TM9SF2: variants seen among roughly 807,000 people sequenced by gnomAD.
TM9SF2 encodes 76 kDa membrane protein.
Under a neutral mutation model 84.9 loss-of-function variants are expected in TM9SF2, and 13 were observed. The ratio of observed to expected loss-of-function variants is 0.15; its 90% CI spans 0.10 to 0.24. The LOEUF (loss-of-function observed/expected upper bound fraction) is 0.24. Ranked by LOEUF, TM9SF2 falls within the 10% of genes least tolerant of loss-of-function variation. The pLI is 1.00. For synonymous variants in TM9SF2, 273 were observed against 285.8 expected (o/e 0.96, Z 0.45); for missense variants, 562 against 818.5 (o/e 0.69, Z 3.82).
Position 99,529,572 on chromosome 13 carries a change from T to C in TM9SF2, c.439T>C (p.Leu147=). ...GTTAGAATTCTTGAAAAAAAGCATG[T>C]TATTGAATTATCAACATCACTGGTA... ...QKLEFLKKSM[L]LNYQHHWIVD... is the part of the protein sequence containing the mutation. The change falls in exon 4 of 17, where the codon TTA becomes CTA. Residue 147 remains leucine (L), a synonymous_variant. Transcript: ENST00000376387. 6.3e-7 allele frequency: 1 copy of C among 1,583,416 alleles called. No homozygotes were observed. Among genetic ancestry groups the C allele is most frequent in the Non-Finnish European group, 8.6e-7 (1 of 1,169,526 alleles).
At chr13:99,506,801 T>A (rs2046090625) in intron 1 of TM9SF2, among the ~76,000 whole-genome samples, 1 of 152,192 alleles carries the variant, frequency 6.6e-6, no homozygotes, top group Admixed American at 6.5e-5. Context: ...GATTGGTCTG[T>A]GCACTGTCAG....
intron 15 of TM9SF2, 28 bp downstream of exon 15, chr13:99,555,675 T>A: frequency 6.7e-7 from 1 of 1,501,380 alleles, no homozygotes; most frequent in Non-Finnish European, 9.2e-7. Flanking sequence ...TCACTTATGT[T>A]AATTTGTAGA....
chr13:99,553,146 T>C (rs1428199803), intron 13 of TM9SF2, among the ~76,000 whole-genome samples: 2 of 152,228 alleles, frequency 1.3e-5, no homozygotes, highest in African/African-American at 4.8e-5. Context: ...AAACGAGATC[T>C]TATTCTTCTG....
intron 4 of TM9SF2, among the ~76,000 whole-genome samples, chr13:99,532,626 T>C (rs1309117863): frequency 6.6e-6 from 1 of 152,114 alleles, no homozygotes; most frequent in East Asian, 1.9e-4. Context: ...AGAATACTGT[T>C]TAGTCTTGCT....
intron 1 of TM9SF2, among the ~76,000 whole-genome samples, chr13:99,504,708 C>G (rs2046081288): frequency 6.6e-6 from 1 of 152,138 alleles, no homozygotes; most frequent in African/African-American, 2.4e-5. Flanking sequence ...ATTGCTGTAA[C>G]TTCTGATTAA....
chr13:99,548,845 C>G (rs954733536), intron 11 of TM9SF2, among the ~76,000 whole-genome samples: 2 of 152,146 alleles, frequency 1.3e-5, no homozygotes, highest in Non-Finnish European at 2.9e-5. Flanking sequence ...ATCCCGTGTG[C>G]CCTTCCTGTG....
intron 4 of TM9SF2, among the ~76,000 whole-genome samples, chr13:99,531,688 C>G (rs2139089852): frequency 6.6e-6 from 1 of 152,228 alleles, no homozygotes; most frequent in African/African-American, 2.4e-5. Flanking sequence ...AGAAACCTGC[C>G]TGTTATGCTT....
rs535423451 is a variant in TM9SF2, at chr13:99,543,958, C to T, written c.1113C>T (p.Ser371=). ...KGMLLSVFLG[S]GTQILIMTFV... ...TGCTGCTATCAGTCTTTCTAGGATC[C>T]GGGACACAGATTTTAATTATGACCT... The change falls in exon 10 of 17, where the codon TCC becomes TCT. Residue 371 remains serine, a synonymous_variant. Transcript: ENST00000376387. 24 of 1,613,940 alleles carry T rather than the reference C, an allele frequency of 1.5e-5. No homozygotes were observed. Among genetic ancestry groups the T allele is most frequent in the African/African-American group, 2.7e-5 (2 of 74,998 alleles).
At chr13:99,525,372 G>T (rs932590978) in intron 3 of TM9SF2, among the ~76,000 whole-genome samples, 1 of 152,070 alleles carries the variant, frequency 6.6e-6, no homozygotes, top group African/African-American at 2.4e-5. Flanking sequence ...CTCCCGAGCA[G>T]CTGGGATTAC....
intron 3 of TM9SF2, among the ~76,000 whole-genome samples, chr13:99,527,235 C>T (rs553135745): frequency 1.6e-4 from 25 of 152,176 alleles, no homozygotes; most frequent in Admixed American, 1.4e-3. Context: ...TAGTCCTGCC[C>T]ATTAGTCCTA....
At chr13:99,545,406 ATCATACTAAAGAGAAGTTAAG>A (rs1057231582) in intron 10 of TM9SF2, among the ~76,000 whole-genome samples, 2 of 152,084 alleles carry the variant, frequency 1.3e-5, no homozygotes, top group Non-Finnish European at 2.9e-5. Context: ...TTGTAACTAT[ATCATACTAAAGAGAAGTTAAG>A]TCATACTAAA....
chr13:99,515,444 A>C (rs1436508830), intron 1 of TM9SF2, among the ~76,000 whole-genome samples: 1 of 152,200 alleles, frequency 6.6e-6, no homozygotes. Flanking sequence ...TTACCTTGTT[A>C]GCTGTGTTGA....
rs772235020 is a variant in TM9SF2, at chr13:99,543,994, A to G, written c.1149A>G (p.Leu383=). 11 of 1,612,104 alleles carry G rather than the reference A, an allele frequency of 6.8e-6. No homozygotes were observed. Among genetic ancestry groups the G allele is most frequent in the African/African-American group, 4.0e-5 (3 of 74,798 alleles). ...TQILIMTFVT[L]FFACLGFLSP... ...TTTTAATTATGACCTTTGTGACTCT[A>G]TGTAAGTGTTAACTGAAAATTTTCA... Residue 383 remains leucine (L), a splice_region_variant and synonymous_variant, in exon 10 of 17, where the codon CTA becomes CTG. Coordinates refer to ENST00000376387, the MANE Select transcript of TM9SF2 (RefSeq NM_004800.3).
chr13:99,538,257 A>G lies in TM9SF2; in HGVS notation c.716+394A>G, dbSNP rs150355324. 7.3e-3 allele frequency among the ~76,000 whole-genome samples: 1,119 copies of G among 152,328 alleles called. 34 individuals are homozygous for G. Among genetic ancestry groups the G allele is most frequent in the Admixed American group, 0.063 (968 of 15,296 alleles). On this transcript the variant is annotated intron_variant, in intron 6 of 16. Coordinates refer to ENST00000376387, the MANE Select transcript of TM9SF2 (RefSeq NM_004800.3). ...GAGTGGACAAGTACTGTGATTTCTC[A>G]AGCCCCTATGCAGTGTTAGATGCCA...
intron 3 of TM9SF2, among the ~76,000 whole-genome samples, chr13:99,528,698 A>G (rs2046194792): frequency 6.6e-6 from 1 of 152,216 alleles, no homozygotes; most frequent in African/African-American, 2.4e-5. Context: ...TGGTACAGAT[A>G]TGGCTGTATT....
chr13:99,543,917 C>A lies in TM9SF2; in HGVS notation c.1072C>A (p.Pro358Thr). Reference protein sequence around the residue: ...WKLVHGDIFRPPRKGMLLSVF... With the variant: ...WKLVHGDIFRTPRKGMLLSVF... The stretch of plus-strand genomic sequence containing the variant: ...ACTTGTTCATGGTGATATATTCCGT[C>A]CTCCAAGAAAAGGGATGCTGCTATC... Residue 358 changes from proline to threonine, a missense_variant, in exon 10 of 17, where the codon CCT becomes ACT. Coordinates refer to ENST00000376387, the MANE Select transcript of TM9SF2 (RefSeq NM_004800.3). 6.2e-7 allele frequency: 1 copy of A among 1,614,174 alleles called. No homozygotes were observed.
At chr13:99,555,371 C>CCCCTT (rs2046321201) in intron 14 of TM9SF2, among the ~76,000 whole-genome samples, 165 bp from the exon 15 acceptor site, 1 of 152,186 alleles carries the variant, frequency 6.6e-6, no homozygotes. Context: ...TCCTACTCCT[C>CCCCTT]CCCTTCCCCA....
chr13:99,540,567 C>T, intron 7 of TM9SF2, 147 bp from the exon 8 acceptor site: 1 of 421,598 alleles, frequency 2.4e-6, no homozygotes, highest in Non-Finnish European at 4.2e-6. Context: ...CTGAAACTCT[C>T]CAAATCTCAG....
chr13:99,502,160 A>G (rs2046069214), intron 1 of TM9SF2, among the ~76,000 whole-genome samples: 1 of 152,182 alleles, frequency 6.6e-6, no homozygotes, highest in Admixed American at 6.5e-5. Context: ...TGTAACATGT[A>G]CGCTGAGGAA....
Sources: allele counts gnomAD v4.1 joint callset (sites outside exome capture counted in the v4.1 genomes callset), GRCh38; gene constraint gnomAD v4.1.1; transcripts MANE v1.5; gene names NCBI Gene and HGNC (gene_info 2026-07-23, HGNC 2026-07-21).